The following CPNE4 variants were observed in gnomAD, a reference collection of about 807,000 sequenced individuals.
CPNE4 encodes the protein copine-4.
Under a neutral mutation model 67.9 loss-of-function variants are expected in CPNE4, and 25 were observed. The observed-to-expected ratio is 0.37, with a 90% confidence interval of 0.27 to 0.51. The LOEUF (loss-of-function observed/expected upper bound fraction) is 0.51, where lower values mean the gene tolerates loss of function less well. CPNE4 is among the 20% of genes least tolerant of loss of function. The probability of loss-of-function intolerance (pLI) is 0.93; values close to 1 mark genes in which losing one functional copy is unlikely to be tolerated. For missense variants in CPNE4, 464 were observed against 690.8 expected (o/e 0.67, Z 3.68); for synonymous variants, 242 against 244.9 (o/e 0.99, Z 0.11).
intron 7 of CPNE4, among the ~76,000 whole-genome samples, chr3:131,627,703 T>C (rs1056419661): frequency 3.3e-5 from 5 of 152,164 alleles, no homozygotes; most frequent in Non-Finnish European, 5.9e-5. Context: ...GAAGTTGATT[T>C]TAATGCTCAG....
intron 4 of CPNE4, among the ~76,000 whole-genome samples, chr3:131,698,687 G>A (rs371839205): frequency 3.3e-5 from 5 of 151,522 alleles, no homozygotes; most frequent in East Asian, 1.9e-4. Context: ...CGAGGGGGGC[G>A]GATCACAAGG....
At chr3:131,815,540 C>A (rs919349019) in intron 2 of CPNE4, among the ~76,000 whole-genome samples, 3 of 152,158 alleles carry the variant, frequency 2.0e-5, no homozygotes, top group African/African-American at 7.2e-5. Context: ...AAGGACCCTG[C>A]CATCTATTCC....
intron 1 of CPNE4, among the ~76,000 whole-genome samples, chr3:132,012,741 C>G (rs1446111464): frequency 1.3e-5 from 2 of 152,166 alleles, no homozygotes; most frequent in Admixed American, 6.5e-5. Context: ...AGAAAAGGGA[C>G]TTACCTGGAG....
At chr3:131,889,005 T>C (rs1295265044) in intron 2 of CPNE4, among the ~76,000 whole-genome samples, 2 of 152,216 alleles carry the variant, frequency 1.3e-5, no homozygotes, top group African/African-American at 4.8e-5. Context: ...GTCTTTTACA[T>C]ACTGAGAACT....
intron 2 of CPNE4, among the ~76,000 whole-genome samples, chr3:131,861,041 G>C (rs2086657371): frequency 6.6e-6 from 1 of 152,126 alleles, no homozygotes; most frequent in Non-Finnish European, 1.5e-5. Context: ...TTATTCTTAA[G>C]TACAATCACA....
intron 15 of CPNE4, among the ~76,000 whole-genome samples, chr3:131,540,452 CA>C (rs1935417784): frequency 6.6e-6 from 1 of 152,158 alleles, no homozygotes; most frequent in African/African-American, 2.4e-5. Flanking sequence ...AGTGGCACAA[CA>C]AACAGCAATT....
At chr3:131,675,420 C>T (rs1463361005) in intron 6 of CPNE4, among the ~76,000 whole-genome samples, 1 of 151,994 alleles carries the variant, frequency 6.6e-6, no homozygotes, top group Non-Finnish European at 1.5e-5. Flanking sequence ...TTGAAGTCTC[C>T]AGCTATTATT....
intron 1 of CPNE4, among the ~76,000 whole-genome samples, chr3:131,999,040 G>T (rs1025793392): frequency 2.0e-5 from 3 of 151,916 alleles, no homozygotes; most frequent in Non-Finnish European, 4.4e-5. Flanking sequence ...GGGAGGCTAA[G>T]ATTTGAGGGG....
At chr3:131,977,777 A>G (rs1372936749) in intron 1 of CPNE4, among the ~76,000 whole-genome samples, 1 of 151,778 alleles carries the variant, frequency 6.6e-6, no homozygotes, top group Non-Finnish European at 1.5e-5. Context: ...TGGTGCACCC[A>G]TCACCCAAGC....
chr3:131,999,517 G>A (rs1424834700), intron 1 of CPNE4, among the ~76,000 whole-genome samples: 1 of 151,970 alleles, frequency 6.6e-6, no homozygotes, highest in African/African-American at 2.4e-5. Flanking sequence ...TTCTATGCTG[G>A]AAAAGAATCA....
At chr3:131,995,523 T>C (rs1402912805) in intron 1 of CPNE4, among the ~76,000 whole-genome samples, 1 of 152,114 alleles carries the variant, frequency 6.6e-6, no homozygotes, top group Non-Finnish European at 1.5e-5. Flanking sequence ...ACTCGGCCAC[T>C]ACCTGAGCAA....
At chr3:131,622,018 C>CAAAAAAAAAAAAAA (rs34415771) in intron 7 of CPNE4, among the ~76,000 whole-genome samples, 39 of 57,886 alleles carry the variant, frequency 6.7e-4, no homozygotes, top group East Asian at 1.3e-3. Context: ...GACCCTGTCT[C>CAAAAAAAAAAAAAA]AAAAAAAAAA....
chr3:131,953,257 A>T (rs796950415), intron 1 of CPNE4, among the ~76,000 whole-genome samples: 16 of 150,908 alleles, frequency 1.1e-4, no homozygotes, highest in East Asian at 1.9e-4. Context: ...AAAAAAAAAA[A>T]AAAAAAAAAG....
At chr3:132,015,274 A>G (rs1030276365) in intron 1 of CPNE4, among the ~76,000 whole-genome samples, 2 of 152,154 alleles carry the variant, frequency 1.3e-5, no homozygotes, top group African/African-American at 2.4e-5. Flanking sequence ...TATAACACAG[A>G]GAGTTAAATA....
intron 1 of CPNE4, among the ~76,000 whole-genome samples, chr3:132,025,428 T>C (rs1003906129): frequency 6.6e-6 from 1 of 152,174 alleles, no homozygotes; most frequent in African/African-American, 2.4e-5. Flanking sequence ...TTGAGTCACC[T>C]TTTGTGGCTG....
intron 7 of CPNE4, among the ~76,000 whole-genome samples, chr3:131,652,572 T>C (rs766967149): frequency 6.6e-6 from 1 of 152,206 alleles, no homozygotes; most frequent in African/African-American, 2.4e-5. Context: ...TATATATTAT[T>C]AAGTTAGAAA....
intron 6 of CPNE4, among the ~76,000 whole-genome samples, chr3:131,680,584 T>C (rs918403912): frequency 3.5e-4 from 53 of 152,268 alleles, no homozygotes; most frequent in African/African-American, 1.3e-3. Context: ...AGAAAGAAAA[T>C]AAATAGAAAA....
At chr3:131,929,357 G>A (rs2070989503) in intron 1 of CPNE4, among the ~76,000 whole-genome samples, 1 of 152,106 alleles carries the variant, frequency 6.6e-6, no homozygotes, top group Admixed American at 6.6e-5. Flanking sequence ...GAGATCCCAG[G>A]TAAAGACCAG....
At chr3:131,719,351 T>C (rs975569785) in intron 3 of CPNE4, among the ~76,000 whole-genome samples, 11 of 152,232 alleles carry the variant, frequency 7.2e-5, no homozygotes, top group African/African-American at 1.9e-4. Flanking sequence ...TAGATAATGA[T>C]TCCTGTCCTT....
Sources: allele counts gnomAD v4.1 joint callset (sites outside exome capture counted in the v4.1 genomes callset), GRCh38; gene constraint gnomAD v4.1.1; transcripts MANE v1.5; gene names NCBI Gene and HGNC (gene_info 2026-07-23, HGNC 2026-07-21).